Variants in VAV2 observed in about 807,000 individuals in gnomAD.
VAV2 encodes the protein vav guanine nucleotide exchange factor 2, also known as guanine nucleotide exchange factor VAV2.
In VAV2, 67 loss-of-function variants were observed where a neutral mutation model predicts 132.5. The ratio of observed to expected loss-of-function variants is 0.51; its 90% CI spans 0.42 to 0.62. The LOEUF is 0.62. Ranked by LOEUF, VAV2 falls within the 20% of genes least tolerant of loss-of-function variation. The probability of loss-of-function intolerance (pLI) is 0.00; values close to 1 mark genes in which losing one functional copy is unlikely to be tolerated. For synonymous variants in VAV2, 492 were observed against 443.5 expected (o/e 1.11, Z -1.37); for missense variants, 938 against 1,153.6 (o/e 0.81, Z 2.71).
chr9:133,921,176 G>T (rs1460344083), intron 2 of VAV2, among the ~76,000 whole-genome samples: 1 of 152,218 alleles, frequency 6.6e-6, no homozygotes, highest in Admixed American at 6.5e-5. Context: ...TCCGCCTGCT[G>T]TCTCAGACAC....
intron 1 of VAV2, among the ~76,000 whole-genome samples, chr9:133,944,230 G>C (rs951789395): frequency 6.6e-6 from 1 of 152,118 alleles, no homozygotes; most frequent in East Asian, 1.9e-4. Flanking sequence ...GCGCCCTTCA[G>C]CCTATGTGGG....
intron 12 of VAV2, among the ~76,000 whole-genome samples, chr9:133,795,060 C>A (rs540978646): frequency 1.3e-5 from 2 of 152,358 alleles, no homozygotes; most frequent in South Asian, 4.1e-4. Context: ...CTGCCTGGAA[C>A]TGTGCTGAAC....
intron 2 of VAV2, among the ~76,000 whole-genome samples, chr9:133,893,356 C>T (rs928717919): frequency 5.9e-5 from 9 of 152,108 alleles, no homozygotes; most frequent in African/African-American, 2.2e-4. Context: ...GCGAAGGCGG[C>T]GGCAACAGCA....
chr9:133,814,100 T>C (rs1835464600), intron 4 of VAV2, among the ~76,000 whole-genome samples: 1 of 151,792 alleles, frequency 6.6e-6, no homozygotes, highest in Non-Finnish European at 1.5e-5. Flanking sequence ...GTCAGACGGG[T>C]TGGGCCCACA....
At chr9:133,858,735 G>A (rs956697298) in intron 3 of VAV2, among the ~76,000 whole-genome samples, 9 of 152,156 alleles carry the variant, frequency 5.9e-5, no homozygotes, top group Admixed American at 2.0e-4. Context: ...AGGGAGGCTC[G>A]GGGAGACATC....
intron 19 of VAV2, among the ~76,000 whole-genome samples, chr9:133,782,477 G>T (rs1834046410): frequency 6.6e-6 from 1 of 152,198 alleles, no homozygotes; most frequent in African/African-American, 2.4e-5. Context: ...TGGGGACAAG[G>T]GGGTCTGGGC....
chr9:133,943,743 C>T (rs535813584), intron 1 of VAV2, among the ~76,000 whole-genome samples: 5 of 152,336 alleles, frequency 3.3e-5, no homozygotes, highest in South Asian at 2.1e-4. Context: ...GGAGGGCTCC[C>T]GCCCCTGGGC....
rs913546882 is a variant in VAV2 at position 133,877,691 on chromosome 9, C to G, written c.322-16259G>C. Among the ~76,000 whole-genome samples, 22 of 152,312 alleles carry G rather than the reference C, an allele frequency of 1.4e-4. 2 individuals are homozygous for G. The highest frequency in any genetic ancestry group is 6.8e-3 in the Middle Eastern group (2 of 294). On this transcript the variant is annotated intron_variant, in intron 2 of 29. Coordinates refer to ENST00000371850, the MANE Select transcript of VAV2 (RefSeq NM_001134398.2). Reference sequence around the variant, plus strand: ...TCTCATGGCCTGGTCATCCACTGCACGTTCCCAGTCTGCTAATGGGGACAG... The same window carrying G: ...TCTCATGGCCTGGTCATCCACTGCAGGTTCCCAGTCTGCTAATGGGGACAG...
At chr9:133,874,969 T>G (rs1838204850) in intron 2 of VAV2, among the ~76,000 whole-genome samples, 1 of 152,056 alleles carries the variant, frequency 6.6e-6, no homozygotes, top group Non-Finnish European at 1.5e-5. Context: ...AAGACGGGTC[T>G]AGAAATGGGT....
intron 3 of VAV2, among the ~76,000 whole-genome samples, chr9:133,856,456 C>T (rs558551398): frequency 3.3e-5 from 5 of 151,364 alleles, no homozygotes; most frequent in African/African-American, 1.2e-4. Context: ...CTGGTATGTG[C>T]CCCCCACCGG....
At chr9:133,952,607 A>C (rs374321918) in intron 1 of VAV2, among the ~76,000 whole-genome samples, 1 of 58,136 alleles carries the variant, frequency 1.7e-5, no homozygotes, top group African/African-American at 5.3e-5. Context: ...TGTCTCGGGG[A>C]AAAAAAAAAC....
intron 2 of VAV2, among the ~76,000 whole-genome samples, chr9:133,872,761 G>C (rs73662320): frequency 0.025 from 3,742 of 148,280 alleles, 76 homozygotes; most frequent in African/African-American, 0.066. Flanking sequence ...CAACCATGGG[G>C]CTCTGGGAGC....
chr9:133,813,028 T>C (rs895576960), intron 4 of VAV2, among the ~76,000 whole-genome samples: 1 of 152,208 alleles, frequency 6.6e-6, no homozygotes, highest in Admixed American at 6.5e-5. Flanking sequence ...GCCCTCCTGA[T>C]GCTCCACACC....
intron 4 of VAV2, among the ~76,000 whole-genome samples, chr9:133,816,609 T>G (rs1286514137): frequency 6.6e-6 from 1 of 152,186 alleles, no homozygotes; most frequent in Non-Finnish European, 1.5e-5. Flanking sequence ...GGCTCATGCC[T>G]GTCGTCCCAG....
At chr9:133,799,530 T>C (rs1220625845) in intron 9 of VAV2, among the ~76,000 whole-genome samples, 1 of 152,058 alleles carries the variant, frequency 6.6e-6, no homozygotes, top group African/African-American at 2.4e-5. Flanking sequence ...CCTGCAGGGG[T>C]GTGTCCCCAT....
Position 133,788,891 on chromosome 9 carries a change from G to A in VAV2, c.1274+367C>T, listed in dbSNP as rs1459896906. On this transcript the variant is annotated intron_variant, in intron 14 of 29. Transcript: ENST00000371850. The surrounding 1 kb of genome is among the most constrained non-coding windows in gnomAD (Gnocchi z 5.3). ...CAGTAGGTGCACAAGGAGGGCCCTG[G>A]ACAAGCCTGGGCCACCGTGCGCCTG... 6.6e-6 allele frequency among the ~76,000 whole-genome samples: 1 copy of A among 152,162 alleles called. No homozygotes were observed. Among genetic ancestry groups the A allele is most frequent in the Non-Finnish European group, 1.5e-5 (1 of 68,030 alleles).
At chr9:133,848,254 T>A (rs1303666079) in intron 3 of VAV2, among the ~76,000 whole-genome samples, 2 of 122,082 alleles carry the variant, frequency 1.6e-5, no homozygotes, top group Non-Finnish European at 3.2e-5. Flanking sequence ...CACTCCAGCC[T>A]GGGCGACTGA....
chr9:133,811,859 T>C (rs1367913203), intron 5 of VAV2, among the ~76,000 whole-genome samples: 1 of 152,208 alleles, frequency 6.6e-6, no homozygotes, highest in African/African-American at 2.4e-5. Context: ...TCTGGGCACC[T>C]GAGAACATCT....
In VAV2 at chr9:133,798,861, G is replaced by T. The variant is rs60105596; in HGVS notation, c.837-1052C>A. Among the ~76,000 whole-genome samples the T allele has an allele frequency of 5.4e-3, 821 of 152,324 alleles. 6 individuals are homozygous for T. The highest frequency in any genetic ancestry group is 8.5e-3 in the Non-Finnish European group (577 of 68,022). On this transcript the variant is annotated intron_variant, in intron 9 of 29. Coordinates refer to ENST00000371850, the MANE Select transcript of VAV2 (RefSeq NM_001134398.2). ...AGGAGCTGACAGTCTGGCCTGCAAG[G>T]CTGGGCCGGACCCAGCGTCCTGGTG... is the stretch of plus-strand genomic sequence containing the variant.
Sources: allele counts gnomAD v4.1 joint callset (sites outside exome capture counted in the v4.1 genomes callset), GRCh38; gene constraint gnomAD v4.1.1; non-coding constraint Gnocchi (gnomAD v3.1); transcripts MANE v1.5; gene names NCBI Gene and HGNC (gene_info 2026-07-23, HGNC 2026-07-21).